FBXO10: variants seen among roughly 807,000 people sequenced by gnomAD.
The protein encoded by FBXO10 is F-box protein 10.
A neutral mutation model predicts 80.7 loss-of-function variants in FBXO10; 39 were observed. The observed-to-expected ratio is 0.48, with a 90% CI of 0.37 to 0.63. The LOEUF is 0.63. Among genes scored for constraint, FBXO10 ranks in the 30% least tolerant of loss-of-function variants. The pLI, the probability that FBXO10 is intolerant of heterozygous loss-of-function variation, is 0.00. For synonymous variants in FBXO10, 449 were observed against 489.6 expected, an observed-to-expected ratio of 0.92 and a Z score of 1.09; for missense variants, 1,025 against 1,269.0, an observed-to-expected ratio of 0.81 and a Z score of 2.92.
chr9:37,522,256 C>A, intron 7 of FBXO10: 1 of 753,984 alleles, frequency 1.3e-6, no homozygotes, highest in Non-Finnish European at 1.6e-6. Flanking sequence ...GTTTTCTCAT[C>A]TTTTAAATGG....
chr9:37,552,409 C>T (rs918032944), intron 1 of FBXO10, among the ~76,000 whole-genome samples: 1 of 152,164 alleles, frequency 6.6e-6, no homozygotes, highest in South Asian at 2.1e-4. Flanking sequence ...TATGGCTGGG[C>T]GAGGTGGCTC....
intron 1 of FBXO10, among the ~76,000 whole-genome samples, chr9:37,573,129 G>T (rs1822802138): frequency 6.6e-6 from 1 of 152,194 alleles, no homozygotes; most frequent in Non-Finnish European, 1.5e-5. Context: ...GAACCCTGGA[G>T]AGTATGTGGA....
intron 3 of FBXO10, 97 bp from the exon 4 acceptor site, chr9:37,532,155 C>T: frequency 7.4e-7 from 1 of 1,353,908 alleles, no homozygotes. Flanking sequence ...CCACCTGATC[C>T]ATGCAGTTTA....
At chr9:37,530,662 C>CTGGA (rs1370498883) in intron 4 of FBXO10, among the ~76,000 whole-genome samples, 1 of 152,178 alleles carries the variant, frequency 6.6e-6, no homozygotes, top group Non-Finnish European at 1.5e-5. Flanking sequence ...GTTGCCCAGG[C>CTGGA]TGGAGTGCAG....
At chr9:37,519,687 T>C (rs542982092) in intron 8 of FBXO10, among the ~76,000 whole-genome samples, 6 of 152,322 alleles carry the variant, frequency 3.9e-5, no homozygotes, top group South Asian at 2.1e-4. Flanking sequence ...CATGGCCACA[T>C]GGAGGAACCT....
In FBXO10 at chr9:37,541,779, G is replaced by C; in HGVS notation, c.-6-5C>G. Reference sequence around the variant, plus strand: ...GCCACCAGCCTCCATGGTCACCTAGGAGACAGACACAAAACAAAAGAGATT... The same window carrying C: ...GCCACCAGCCTCCATGGTCACCTAGCAGACAGACACAAAACAAAAGAGATT... On this transcript the variant is annotated splice_polypyrimidine_tract_variant and splice_region_variant and intron_variant, in intron 1 of 10. Transcript: ENST00000432825. The C allele has an allele frequency of 6.4e-7, 1 of 1,569,092 alleles. No homozygotes were observed. The highest frequency in any genetic ancestry group is 1.7e-4 in the Middle Eastern group (1 of 5,842).
Position 37,518,445 on chromosome 9 carries a change from G to A in FBXO10, c.2201-7C>T, listed in dbSNP as rs1007133914. ...TGGACATAGAGTCCTGAGGCTATGG[G>A]TGGAAGGGTTGGAAAGCACAGGGGG... On this transcript the variant is annotated splice_region_variant and splice_polypyrimidine_tract_variant and intron_variant, in intron 8 of 10. Coordinates refer to ENST00000432825, the MANE Select transcript of FBXO10 (RefSeq NM_012166.3). The A allele has an allele frequency of 1.9e-6, 3 of 1,573,038 alleles. No homozygotes were observed. Among genetic ancestry groups the A allele is most frequent in the Non-Finnish European group, 1.7e-6 (2 of 1,157,450 alleles).
At chr9:37,533,749 G>C (rs1202018664) in intron 3 of FBXO10, among the ~76,000 whole-genome samples, 1 of 151,898 alleles carries the variant, frequency 6.6e-6, no homozygotes, top group Non-Finnish European at 1.5e-5. Flanking sequence ...GCTCATGCCT[G>C]TAGTTTCAGC....
At chr9:37,536,237 G>A (rs1451987973) in intron 3 of FBXO10, among the ~76,000 whole-genome samples, 1 of 152,170 alleles carries the variant, frequency 6.6e-6, no homozygotes, top group African/African-American at 2.4e-5. Flanking sequence ...AATAGCCAGT[G>A]AGAGAAGAAA....
intron 1 of FBXO10, among the ~76,000 whole-genome samples, chr9:37,566,617 G>C (rs922579065): frequency 4.6e-5 from 7 of 152,200 alleles, no homozygotes; most frequent in Admixed American, 1.3e-4. Context: ...CTGAGCAACT[G>C]TAATGGATTA....
intron 8 of FBXO10, among the ~76,000 whole-genome samples, chr9:37,519,134 C>T (rs967643000): frequency 9.2e-5 from 14 of 152,166 alleles, no homozygotes; most frequent in Non-Finnish European, 1.8e-4. Flanking sequence ...TGGTCTCGAT[C>T]TCCTGACCTC....
chr9:37,514,020 G>T (rs1821124421), intron 10 of FBXO10, among the ~76,000 whole-genome samples: 1 of 152,228 alleles, frequency 6.6e-6, no homozygotes, highest in South Asian at 2.1e-4. Flanking sequence ...TGAAGCTGTG[G>T]TCAGAGTTTT....
rs553359838 is a variant in FBXO10, at chr9:37,575,048, C to G, written c.-7+1163G>C. ...TCAAAGTCCTGTCGTCCTTCTGGGT[C>G]CAGTCTCTCCATTTGCAAAGGAGAC... On this transcript the variant is annotated intron_variant, in intron 1 of 10. Coordinates refer to ENST00000432825, the MANE Select transcript of FBXO10 (RefSeq NM_012166.3). Among the ~76,000 whole-genome samples the G allele has an allele frequency of 1.9e-4, 29 of 152,306 alleles. No homozygotes were observed. In the South Asian group the frequency reaches 6.0e-3, roughly 32 times the overall value.
Position 37,541,447 on chromosome 9 carries a change from G to A in FBXO10, c.322C>T (p.Arg108Cys), listed in dbSNP as rs770369002. The A allele has an allele frequency of 2.0e-5, 32 of 1,613,902 alleles. No homozygotes were observed. Among genetic ancestry groups the A allele is most frequent in the Non-Finnish European group, 2.5e-5 (30 of 1,179,892 alleles). The change falls in exon 2 of 11, where the codon CGT (arginine) becomes TGT (cysteine). Residue 108 changes from arginine (R) to cysteine (C), a missense_variant. Coordinates refer to ENST00000432825, the MANE Select transcript of FBXO10 (RefSeq NM_012166.3). ...CGGCCTGGCCCAACACTCAGGGTAC[G>A]TCGTTCCCTCCTCCGGCGGAATAGA... ...FSLFRRRRER[R>C]TLSVGPGREF...
chr9:37,525,316 C>G, intron 5 of FBXO10, 144 bp from the exon 6 acceptor site: 1 of 721,672 alleles, frequency 1.4e-6, no homozygotes, highest in Non-Finnish European at 2.3e-6. Flanking sequence ...CACCTGTAGT[C>G]CCAGCTTCTT....
At position 37,541,758 on chromosome 9, in the gene FBXO10, C is replaced by G; in HGVS notation, c.11G>C (p.Gly4Ala). The G allele has an allele frequency of 1.3e-6, 2 of 1,595,798 alleles. No individual in the cohort carries two copies. Among genetic ancestry groups the G allele is most frequent in the African/African-American group, 1.3e-5 (1 of 74,608 alleles). The change falls in exon 2 of 11, where the codon GGT becomes GCT. Residue 4 changes from glycine (G) to alanine (A), a missense_variant. By Grantham distance (60) the Gly-to-Ala change is moderately conservative (BLOSUM62 0). Around this residue, in one of 3 missense-constraint regions of FBXO10, gnomAD observed 450 missense variants for 499.4 expected, o/e 0.90. Transcript: ENST00000432825. MEA[G>A]GLPLELWRMI... The stretch of plus-strand genomic sequence containing the variant: ...GCGCCACAGCTCCAAGGGGAGGCCA[C>G]CAGCCTCCATGGTCACCTAGGAGAC...
intron 4 of FBXO10, among the ~76,000 whole-genome samples, chr9:37,529,621 C>T (rs1250441408): frequency 6.6e-6 from 1 of 152,164 alleles, no homozygotes; most frequent in Non-Finnish European, 1.5e-5. Flanking sequence ...TCCAGGGAGG[C>T]CATCTCTTGA....
chr9:37,521,947 C>A, intron 7 of FBXO10, 109 bp from the exon 8 acceptor site: 1 of 1,292,128 alleles, frequency 7.7e-7, no homozygotes, highest in East Asian at 2.5e-5. Context: ...GAGTCCCTGC[C>A]TTGCTAATGA....
intron 8 of FBXO10, 106 bp from the exon 9 acceptor site, chr9:37,518,544 GAGA>G (rs944761744): frequency 1.3e-5 from 12 of 924,166 alleles, no homozygotes; most frequent in Admixed American, 9.0e-5. Context: ...GAACGGAGTG[GAGA>G]AGAAGAGGTA....
Sources: gnomAD v4.1 joint callset for allele counts (sites outside exome capture counted in the v4.1 genomes callset) on GRCh38, gnomAD v4.1.1 for gene constraint, gnomAD v4.1.1 regional missense constraint, MANE v1.5 for transcripts, NCBI Gene and HGNC (gene_info 2026-07-23, HGNC 2026-07-21) for gene names.